EEF1D: variants seen among roughly 807,000 people sequenced by gnomAD.
EEF1D encodes elongation factor 1-delta.
Under a neutral mutation model 63.9 loss-of-function variants are expected in EEF1D, and 47 were observed. The ratio of observed to expected loss-of-function variants is 0.74; its 90% CI spans 0.58 to 0.94. The LOEUF (loss-of-function observed/expected upper bound fraction) is 0.94, where lower values mean the gene tolerates loss of function less well. EEF1D is among the 40% of genes least tolerant of loss of function. The pLI is 0.00. For missense variants in EEF1D, 907 were observed against 899.0 expected, an observed-to-expected ratio of 1.01 and a Z score of -0.11; for synonymous variants, 412 against 386.1, an observed-to-expected ratio of 1.07 and a Z score of -0.79.
At chr8:143,586,947 C>T (rs1419811177) in intron 3 of EEF1D, 95 bp from the exon 4 acceptor site, 19 of 1,528,116 alleles carry the variant, frequency 1.2e-5, no homozygotes, top group South Asian at 4.8e-5. Context: ...GGCTGACACC[C>T]GCTTCAGACA....
intron 3 of EEF1D, 26 bp downstream of exon 3, chr8:143,588,965 G>A: frequency 1.3e-6 from 2 of 1,585,130 alleles, no homozygotes; most frequent in East Asian, 2.3e-5. Flanking sequence ...CCCAGGCTGG[G>A]TGCCCACCCA....
rs758088185 is a variant in EEF1D, at chr8:143,586,175, T to C, written c.1287+44A>G. 9.6e-6 allele frequency: 15 copies of C among 1,569,790 alleles called. No individual in the cohort carries two copies. In the South Asian group the frequency reaches 1.7e-4, roughly 18 times the overall value. ...ATCAGGAAAAATCAGACATGCTGCTTGGCCGAGCAGGAGCCCGCAGGTCCG... is the reference window on the plus strand; with the variant it reads ...ATCAGGAAAAATCAGACATGCTGCTCGGCCGAGCAGGAGCCCGCAGGTCCG... On this transcript the variant is annotated intron_variant, in intron 5 of 9. Coordinates refer to ENST00000618139, the MANE Select transcript of EEF1D (RefSeq NM_001130053.5).
chr8:143,585,652 C>G (rs900108163), intron 5 of EEF1D, among the ~76,000 whole-genome samples: 1 of 152,206 alleles, frequency 6.6e-6, no homozygotes, highest in African/African-American at 2.4e-5. Context: ...CGGAGGACAC[C>G]CCTTCCCCAG....
chr8:143,586,027 C>T (rs1032285623), intron 5 of EEF1D, 192 bp downstream of exon 5: 4 of 510,190 alleles, frequency 7.8e-6, no homozygotes, highest in African/African-American at 3.9e-5. Context: ...ACGGAAGGGA[C>T]GCGAGAATAA....
At chr8:143,590,745 A>G (rs1017228130) in intron 2 of EEF1D, 12 of 198,018 alleles carry the variant, frequency 6.1e-5, no homozygotes, top group Non-Finnish European at 1.0e-4. Context: ...TCTACTAAAA[A>G]TAAAAATAAA....
chr8:143,587,729 C>A (rs965826403), intron 3 of EEF1D, among the ~76,000 whole-genome samples: 3 of 152,256 alleles, frequency 2.0e-5, no homozygotes, highest in African/African-American at 7.2e-5. Flanking sequence ...CTGCCCTAGA[C>A]AGGGACCATG....
chr8:143,591,607 TCA>T (rs1827974438), intron 2 of EEF1D, among the ~76,000 whole-genome samples: 1 of 152,194 alleles, frequency 6.6e-6, no homozygotes, highest in Non-Finnish European at 1.5e-5. Context: ...CAGCTGCCCC[TCA>T]CAGACACCGC....
At chr8:143,595,098 C>A (rs1828584511) in intron 1 of EEF1D, among the ~76,000 whole-genome samples, 3 of 151,628 alleles carry the variant, frequency 2.0e-5, no homozygotes, top group Non-Finnish European at 4.4e-5. Flanking sequence ...TGAGACGGAG[C>A]CTCACTCTGT....
chr8:143,595,537 G>A (rs989250529), intron 1 of EEF1D, among the ~76,000 whole-genome samples: 1 of 152,150 alleles, frequency 6.6e-6, no homozygotes. Context: ...AAACTCCACA[G>A]TTCCACATTC....
At chr8:143,592,773 T>G in intron 1 of EEF1D, 113 bp from the exon 2 acceptor site, 1 of 898,878 alleles carries the variant, frequency 1.1e-6, no homozygotes, top group Non-Finnish European at 1.3e-6. Flanking sequence ...CAGAAGCTGC[T>G]TGGCGAGGTG....
At chr8:143,580,364 T>C (rs1825195602) in intron 8 of EEF1D, 142 bp downstream of exon 8, 2 of 1,252,680 alleles carry the variant, frequency 1.6e-6, no homozygotes, top group Non-Finnish European at 2.2e-6. Context: ...TGCCTCCAAG[T>C]TTGTGTTTAT....
chr8:143,593,205 C>T (rs1038342318), intron 1 of EEF1D, among the ~76,000 whole-genome samples: 3 of 152,054 alleles, frequency 2.0e-5, no homozygotes, highest in African/African-American at 7.2e-5. Flanking sequence ...TCAGCAGGAG[C>T]CACCGTCAAG....
intron 5 of EEF1D, chr8:143,581,659 C>CA: frequency 2.3e-6 from 1 of 430,430 alleles, no homozygotes; most frequent in Non-Finnish European, 4.2e-6. Context: ...CTGAAGGACT[C>CA]ACAGTCCTAG....
chr8:143,596,306 C>G (rs999777549), intron 1 of EEF1D: 9 of 152,272 alleles, frequency 5.9e-5, no homozygotes, highest in African/African-American at 2.2e-4. Flanking sequence ...GGTCTAGGAG[C>G]CTGGCTGGGC....
chr8:143,581,090 G>A lies in EEF1D; in HGVS notation c.1452C>T (p.Ser484=), dbSNP rs149304146. 1.5e-4 allele frequency: 243 copies of A among 1,612,464 alleles called. No homozygotes were observed. The highest frequency in any genetic ancestry group is 2.0e-4 in the Non-Finnish European group (232 of 1,179,974). ...GGGCCGTGGCCCGGTGGCCAGGCGA[G>A]CTCTTCTCCAGCACGTTCAGCCGGG... The part of the protein sequence containing the change: ...LEARLNVLEK[S]SPGHRATAPQ... Residue 484 remains serine (S), a synonymous_variant, in exon 7 of 10, where the codon AGC becomes AGT. Coordinates refer to ENST00000618139, the MANE Select transcript of EEF1D (RefSeq NM_001130053.5).
intron 5 of EEF1D, 139 bp from the exon 6 acceptor site, chr8:143,581,467 C>G (rs1168696122): frequency 7.0e-6 from 5 of 714,334 alleles, no homozygotes; most frequent in Non-Finnish European, 2.3e-6. Context: ...ATGCCCAGCT[C>G]AAACTTATGA....
chr8:143,585,889 G>T (rs959305642), intron 5 of EEF1D: 1 of 357,310 alleles, frequency 2.8e-6, no homozygotes, highest in African/African-American at 2.1e-5. Flanking sequence ...CTGCCACAGG[G>T]AGCAAGCAGG....
At chr8:143,592,515 A>G (rs1828144283) in intron 2 of EEF1D, 132 bp downstream of exon 2, 1 of 850,074 alleles carries the variant, frequency 1.2e-6, no homozygotes, top group Non-Finnish European at 1.4e-6. Flanking sequence ...CACTTTCCAG[A>G]TGGGAAACTG....
intron 1 of EEF1D, chr8:143,593,742 C>T: frequency 2.0e-6 from 1 of 505,606 alleles, no homozygotes; most frequent in Non-Finnish European, 2.6e-6. Context: ...GACCTGGAGG[C>T]CAGGCCCGTC....
Sources: allele counts gnomAD v4.1 joint callset (sites outside exome capture counted in the v4.1 genomes callset), GRCh38; gene constraint gnomAD v4.1.1; transcripts MANE v1.5; gene names NCBI Gene and HGNC (gene_info 2026-07-23, HGNC 2026-07-21).